MRPL3: variants seen among roughly 807,000 people sequenced by gnomAD.
MRPL3 encodes the protein mitochondrial ribosomal protein L3, also known as large ribosomal subunit protein uL3m.
Under a neutral mutation model 44.3 loss-of-function variants are expected in MRPL3, and 43 were observed. The observed-to-expected ratio is 0.97, with a 90% CI of 0.76 to 1.25. The LOEUF is 1.25. Ranked by LOEUF, MRPL3 falls within the 50% of genes most tolerant of loss-of-function variation. The probability of loss-of-function intolerance (pLI) is 0.00; values close to 1 mark genes in which losing one functional copy is unlikely to be tolerated. For synonymous variants in MRPL3, 171 were observed against 152.3 expected (o/e 1.12, Z -0.91); for missense variants, 406 against 427.6 (o/e 0.95, Z 0.45).
chr3:131,498,701 CAAAAAA>C (rs71133698), intron 3 of MRPL3, among the ~76,000 whole-genome samples: 13 of 81,494 alleles, frequency 1.6e-4, no homozygotes, highest in African/African-American at 5.1e-4. Flanking sequence ...GACTCCGTCT[CAAAAAA>C]AAAAAAAAAA....
In MRPL3 at chr3:131,498,244, T is replaced by C. The variant is rs766262176; in HGVS notation, c.403A>G (p.Lys135Glu). 1.2e-6 allele frequency: 2 copies of C among 1,611,964 alleles called. No homozygotes were observed. The highest frequency in any genetic ancestry group is 1.3e-5 in the African/African-American group (1 of 74,974). Residue 135 changes from lysine to glutamate, a missense_variant, in exon 4 of 10, where the codon AAG (lysine) becomes GAG (glutamate). Physicochemically the swap from Lys to Glu is moderately conservative, Grantham distance 56 (BLOSUM62 1). Transcript: ENST00000264995. Reference protein sequence around the residue: ...QDCHVLKYTSKENCNGKMATL... With the variant: ...QDCHVLKYTSEENCNGKMATL... ...GCCATTTTTCCATTACAGTTTTCCT[T>C]TGACGTATATTTTAAGACATGACAG...
At chr3:131,484,074 A>G (rs1413009554) in intron 6 of MRPL3, among the ~76,000 whole-genome samples, 1 of 152,158 alleles carries the variant, frequency 6.6e-6, no homozygotes, top group African/African-American at 2.4e-5. Flanking sequence ...TTTTATTGGC[A>G]ATGTTATTTT....
intron 4 of MRPL3, among the ~76,000 whole-genome samples, chr3:131,495,925 A>G (rs1044980305): frequency 2.6e-5 from 4 of 152,200 alleles, no homozygotes; most frequent in African/African-American, 9.6e-5. Context: ...ATAGATGTTC[A>G]AAAGGTGAGT....
intron 4 of MRPL3, among the ~76,000 whole-genome samples, chr3:131,494,885 C>T (rs1425650772): frequency 6.6e-6 from 1 of 152,016 alleles, no homozygotes; most frequent in Admixed American, 6.6e-5. Context: ...TGGATAATCC[C>T]ATCTATGAGG....
Position 131,462,750 on chromosome 3 carries a change from G to T in MRPL3, c.1020C>A (p.Pro340=), listed in dbSNP as rs146622166. Residue 340 remains proline, a synonymous_variant, in exon 10 of 10, where the codon CCC becomes CCA. Transcript: ENST00000264995. ...EDLYDENVCQ[P]GAPSITFA is the part of the protein sequence containing the mutation. ...AGGCAAATGTAATAGAAGGCGCACCGGGCTGACACACGTTTTCATCATACA... is the reference window on the plus strand; with the variant it reads ...AGGCAAATGTAATAGAAGGCGCACCTGGCTGACACACGTTTTCATCATACA... 6.2e-7 allele frequency: 1 copy of T among 1,611,604 alleles called. No individual in the cohort carries two copies. Among genetic ancestry groups the T allele is most frequent in the Non-Finnish European group, 8.5e-7 (1 of 1,178,594 alleles).
At chr3:131,500,377 A>C in intron 3 of MRPL3, 53 bp downstream of exon 3, 1 of 1,446,412 alleles carries the variant, frequency 6.9e-7, no homozygotes, top group East Asian at 2.3e-5. Context: ...AGGTTTGCAC[A>C]AACAGATCTT....
rs1212618409 is a variant in MRPL3, at chr3:131,487,667, T to A, written c.629+13A>T. 7 of 1,604,314 alleles carry A rather than the reference T, an allele frequency of 4.4e-6. No homozygotes were observed. The highest frequency in any genetic ancestry group is 6.0e-6 in the Non-Finnish European group (7 of 1,173,894). ...AAAACAAAAGGAAAAGAGAACTCGCTATGAGGACCTACGTTTTGGCTGTGA... is the reference window on the plus strand; with the variant it reads ...AAAACAAAAGGAAAAGAGAACTCGCAATGAGGACCTACGTTTTGGCTGTGA... On this transcript the variant is annotated intron_variant, in intron 6 of 9. Coordinates refer to ENST00000264995, the MANE Select transcript of MRPL3 (RefSeq NM_007208.4).
chr3:131,497,972 A>T (rs1934404362), intron 4 of MRPL3: 1 of 563,966 alleles, frequency 1.8e-6, no homozygotes, highest in East Asian at 3.0e-5. Context: ...TACTTGTTCC[A>T]GATACAGGGA....
chr3:131,489,838 A>C (rs79716781), intron 5 of MRPL3, 143 bp downstream of exon 5: 1 of 532,296 alleles, frequency 1.9e-6, no homozygotes, highest in African/African-American at 1.9e-5. Context: ...AAAAAAAAAA[A>C]ACAAAATGAG....
intron 9 of MRPL3, among the ~76,000 whole-genome samples, chr3:131,467,255 TACAC>T (rs756101728): frequency 3.9e-5 from 5 of 129,698 alleles, no homozygotes; most frequent in Non-Finnish European, 7.3e-5. Flanking sequence ...CACACACACA[TACAC>T]ACACACACAC....
Position 131,502,753 on chromosome 3 carries a change from A to G in MRPL3, c.69T>C (p.Gly23=), listed in dbSNP as rs1582724630. 3.1e-6 allele frequency: 5 copies of G among 1,612,172 alleles called. No individual in the cohort carries two copies. Among genetic ancestry groups the G allele is most frequent in the Non-Finnish European group, 4.2e-6 (5 of 1,179,064 alleles). ...QVLGRLGDGL[G]AALGPGNRTH... ...ACCTGTTCCCCGGGCCCAGGGCAGC[A>G]CCCAGGCCGTCCCCGAGTCGACCCA... The change falls in exon 1 of 10, where the codon GGT becomes GGC. Residue 23 remains glycine (G), a synonymous_variant. Transcript: ENST00000264995.
intron 3 of MRPL3, among the ~76,000 whole-genome samples, chr3:131,499,893 A>G (rs1481006629): frequency 1.3e-5 from 2 of 152,216 alleles, no homozygotes; most frequent in Non-Finnish European, 2.9e-5. Context: ...CTTTTACAGA[A>G]TAGAGTATCT....
At chr3:131,468,210 T>A (rs764604233) in intron 8 of MRPL3, 42 bp from the exon 9 acceptor site, 5 of 1,176,594 alleles carry the variant, frequency 4.2e-6, no homozygotes, top group Non-Finnish European at 6.1e-6. Flanking sequence ...GATATACTTG[T>A]ATTAAAACAA....
chr3:131,465,891 C>CTTTTTTTTTT (rs55635822), intron 9 of MRPL3, among the ~76,000 whole-genome samples: 6 of 133,348 alleles, frequency 4.5e-5, no homozygotes, highest in South Asian at 2.3e-4. Context: ...CTTTTTCTCT[C>CTTTTTTTTTT]TTTTTTTTTT....
intron 3 of MRPL3, among the ~76,000 whole-genome samples, chr3:131,499,941 G>T (rs1364373716): frequency 6.6e-6 from 1 of 152,162 alleles, no homozygotes; most frequent in African/African-American, 2.4e-5. Flanking sequence ...GAACACACTA[G>T]TAAGTGGCAG....
chr3:131,487,563 T>G, intron 6 of MRPL3, 117 bp downstream of exon 6: 1 of 818,952 alleles, frequency 1.2e-6, no homozygotes, highest in Non-Finnish European at 2.0e-6. Flanking sequence ...GAATTCAGAA[T>G]GAGAAATATA....
intron 6 of MRPL3, 153 bp from the exon 7 acceptor site, chr3:131,471,432 C>CAAAT: frequency 1.7e-6 from 1 of 599,554 alleles, no homozygotes; most frequent in East Asian, 2.8e-5. Flanking sequence ...ACTAAAACTG[C>CAAAT]AAATAAATAT....
chr3:131,495,785 T>A (rs968703235), intron 4 of MRPL3, among the ~76,000 whole-genome samples: 3 of 152,220 alleles, frequency 2.0e-5, no homozygotes, highest in Non-Finnish European at 4.4e-5. Flanking sequence ...TGAGCTCCCA[T>A]GTACTTTTTT....
intron 4 of MRPL3, among the ~76,000 whole-genome samples, chr3:131,495,682 AATT>A (rs947958711): frequency 6.6e-6 from 1 of 152,144 alleles, no homozygotes; most frequent in African/African-American, 2.4e-5. Flanking sequence ...CTGTAATATT[AATT>A]ATTAGTACTG....
Sources: allele counts gnomAD v4.1 joint callset (sites outside exome capture counted in the v4.1 genomes callset), GRCh38; gene constraint gnomAD v4.1.1; transcripts MANE v1.5; gene names NCBI Gene and HGNC (gene_info 2026-07-23, HGNC 2026-07-21).